GREM2: variants seen among roughly 807,000 people sequenced by gnomAD.
GREM2 encodes gremlin 2, DAN family BMP antagonist.
Under a neutral mutation model 14.2 loss-of-function variants are expected in GREM2, and 11 were observed. The observed-to-expected ratio is 0.78, with a 90% CI of 0.49 to 1.28. The LOEUF is 1.28. GREM2 is among the 50% of genes most tolerant of loss of function. The pLI, the probability that GREM2 is intolerant of heterozygous loss-of-function variation, is 0.00. For missense variants in GREM2, 210 were observed against 218.5 expected (o/e 0.96, Z 0.24); for synonymous variants, 98 against 97.6 (o/e 1.00, Z -0.02).
chr1:240,503,781 C>T (rs1677621666), intron 1 of GREM2, among the ~76,000 whole-genome samples: 1 of 152,098 alleles, frequency 6.6e-6, no homozygotes, highest in Non-Finnish European at 1.5e-5. Flanking sequence ...GTTTCCTGTG[C>T]TCTTTATTTT....
chr1:240,514,300 T>C (rs1376742473), intron 1 of GREM2, among the ~76,000 whole-genome samples: 2 of 141,172 alleles, frequency 1.4e-5, no homozygotes, highest in African/African-American at 2.6e-5. Context: ...ACGTGTCACA[T>C]ATTCCATTAG....
At chr1:240,504,810 C>A (rs980178585) in intron 1 of GREM2, among the ~76,000 whole-genome samples, 1 of 151,952 alleles carries the variant, frequency 6.6e-6, no homozygotes, top group Non-Finnish European at 1.5e-5. Context: ...ATTTTTTTCA[C>A]GTCTAAGTTT....
chr1:240,607,055 T>C (rs755327496), intron 1 of GREM2, among the ~76,000 whole-genome samples: 4 of 152,190 alleles, frequency 2.6e-5, no homozygotes, highest in Admixed American at 1.3e-4. Flanking sequence ...CATCTGTAAA[T>C]GAGGATAATA....
chr1:240,520,036 T>C (rs1678045429), intron 1 of GREM2, among the ~76,000 whole-genome samples: 1 of 151,382 alleles, frequency 6.6e-6, no homozygotes, highest in Non-Finnish European at 1.5e-5. Flanking sequence ...GCCAGGATTG[T>C]GCCATTGCAC....
intron 1 of GREM2, among the ~76,000 whole-genome samples, chr1:240,552,480 A>G (rs1678871487): frequency 1.3e-5 from 2 of 152,288 alleles, no homozygotes; most frequent in South Asian, 4.1e-4. Context: ...CTACAGTCCT[A>G]GCTGCTTGGG....
intron 1 of GREM2, among the ~76,000 whole-genome samples, chr1:240,582,353 T>C (rs1346220963): frequency 6.6e-6 from 1 of 152,104 alleles, no homozygotes; most frequent in Non-Finnish European, 1.5e-5. Context: ...GAGAATCACT[T>C]GAACACAGGA....
chr1:240,533,638 C>G (rs916433433), intron 1 of GREM2, among the ~76,000 whole-genome samples: 3 of 152,116 alleles, frequency 2.0e-5, no homozygotes, highest in Non-Finnish European at 4.4e-5. Context: ...GTACACACAG[C>G]CTCCCACAAA....
At chr1:240,518,710 C>T (rs193085724) in intron 1 of GREM2, among the ~76,000 whole-genome samples, 5 of 152,266 alleles carry the variant, frequency 3.3e-5, no homozygotes, top group South Asian at 4.1e-4. Context: ...AATAAACACC[C>T]GTTTTCATGG....
intron 1 of GREM2, among the ~76,000 whole-genome samples, chr1:240,603,994 A>C (rs1679977719): frequency 6.6e-6 from 1 of 151,310 alleles, no homozygotes; most frequent in Non-Finnish European, 1.5e-5. Context: ...GCTTCTAATG[A>C]GGGCCTTAAC....
At chr1:240,509,133 G>C (rs1258796579) in intron 1 of GREM2, among the ~76,000 whole-genome samples, 1 of 152,192 alleles carries the variant, frequency 6.6e-6, no homozygotes, top group Non-Finnish European at 1.5e-5. Context: ...ATGTGAGGGA[G>C]AGGATTTGAA....
In GREM2 at chr1:240,543,595, C is replaced by T. The variant is rs926155086; in HGVS notation, c.-1-50119G>A. Among the ~76,000 whole-genome samples, 2 of 152,216 alleles carry T rather than the reference C, an allele frequency of 1.3e-5. No individual in the cohort carries two copies. Among genetic ancestry groups the T allele is most frequent in the African/African-American group, 4.8e-5 (2 of 41,534 alleles). ...AGGTGAGATTTGGGAGGGGACACAGCCAAACCATACCAGGTAAGGAGTCTA... is the reference window on the plus strand; with the variant it reads ...AGGTGAGATTTGGGAGGGGACACAGTCAAACCATACCAGGTAAGGAGTCTA... On this transcript the variant is annotated intron_variant, in intron 1 of 1. Transcript: ENST00000318160. The surrounding 1 kb of genome is among the most constrained non-coding windows in gnomAD (Gnocchi z 6.4).
At chr1:240,517,115 A>T (rs1339370982) in intron 1 of GREM2, among the ~76,000 whole-genome samples, 1 of 152,220 alleles carries the variant, frequency 6.6e-6, no homozygotes, top group Non-Finnish European at 1.5e-5. Flanking sequence ...TATTTGTCCA[A>T]AAAAACAAAA....
At chr1:240,582,346 A>G (rs1275960048) in intron 1 of GREM2, among the ~76,000 whole-genome samples, 1 of 152,178 alleles carries the variant, frequency 6.6e-6, no homozygotes, top group African/African-American at 2.4e-5. Flanking sequence ...GAGGCAGGAG[A>G]ATCACTTGAA....
intron 1 of GREM2, among the ~76,000 whole-genome samples, chr1:240,516,349 A>G (rs1361775307): frequency 6.6e-6 from 1 of 152,110 alleles, no homozygotes; most frequent in Non-Finnish European, 1.5e-5. Flanking sequence ...TAACTGTGTA[A>G]CTGATTAATA....
chr1:240,515,138 T>A, intron 1 of GREM2, among the ~76,000 whole-genome samples: 1 of 152,132 alleles, frequency 6.6e-6, no homozygotes, highest in East Asian at 1.9e-4. Flanking sequence ...GCAGCGGGAA[T>A]GGGGAGGAGG....
intron 1 of GREM2, among the ~76,000 whole-genome samples, chr1:240,504,719 A>T (rs1019394211): frequency 1.3e-5 from 2 of 152,212 alleles, no homozygotes; most frequent in African/African-American, 2.4e-5. Context: ...AATTTTCTTT[A>T]AACCAAAATT....
intron 1 of GREM2, among the ~76,000 whole-genome samples, chr1:240,546,322 G>A (rs1195060430): frequency 6.9e-6 from 1 of 145,506 alleles, no homozygotes; most frequent in Non-Finnish European, 1.5e-5. Flanking sequence ...CTGGTTGACA[G>A]AGTAAGGGAG....
rs16840424 is a variant in GREM2 at position 240,592,786 on chromosome 1, C to T, written c.-2+19098G>A. ...CTGCCGCATGCACTGGCCTGTGAGG[C>T]TTGGACTTGCCCTGGAATGTCTCCA... is the stretch of plus-strand genomic sequence containing the variant. On this transcript the variant is annotated intron_variant, in intron 1 of 1. Transcript: ENST00000318160. Among the ~76,000 whole-genome samples, 520 of 152,198 alleles carry T rather than the reference C, an allele frequency of 3.4e-3. 28 individuals carry two copies. In the East Asian group the frequency reaches 0.093, roughly 27 times the overall value.
In GREM2 at chr1:240,543,572, G is replaced by A. The variant is rs1388237709; in HGVS notation, c.-1-50096C>T. 6.6e-6 allele frequency among the ~76,000 whole-genome samples: 1 copy of A among 152,120 alleles called. No individual in the cohort carries two copies. Among genetic ancestry groups the A allele is most frequent in the Non-Finnish European group, 1.5e-5 (1 of 68,040 alleles). ...AACATGGGGATTATTACAATTCAAG[G>A]TGAGATTTGGGAGGGGACACAGCCA... On this transcript the variant is annotated intron_variant, in intron 1 of 1. Coordinates refer to ENST00000318160, the MANE Select transcript of GREM2 (RefSeq NM_022469.4). This position sits in a 1 kb window ranked among gnomAD's most constrained non-coding sequence, Gnocchi z 6.4.
Sources: gnomAD v4.1 joint callset for allele counts (sites outside exome capture counted in the v4.1 genomes callset) on GRCh38, gnomAD v4.1.1 for gene constraint, Gnocchi (gnomAD v3.1) non-coding constraint, MANE v1.5 for transcripts, NCBI Gene and HGNC (gene_info 2026-07-23, HGNC 2026-07-21) for gene names.